Variants in NYAP2 observed in about 807,000 individuals in gnomAD.
NYAP2 encodes neuronal tyrosine-phosphorylated phosphoinositide-3-kinase adapter 2.
NYAP2 carries 23 observed loss-of-function variants against 50.4 expected under a neutral mutation model. The ratio of observed to expected loss-of-function variants is 0.46; its 90% CI spans 0.33 to 0.65. NYAP2 has a LOEUF of 0.65. Among genes scored for constraint, NYAP2 ranks in the 30% least tolerant of loss-of-function variants. NYAP2 has a pLI of 0.02. For missense variants in NYAP2, 885 were observed against 861.0 expected (o/e 1.03, Z -0.35); for synonymous variants, 394 against 365.2 (o/e 1.08, Z -0.90).
At chr2:225,436,305 G>A (rs1275775704) in intron 3 of NYAP2, among the ~76,000 whole-genome samples, 1 of 152,160 alleles carries the variant, frequency 6.6e-6, no homozygotes, top group Non-Finnish European at 1.5e-5. Flanking sequence ...CACAATTCTC[G>A]AGGTGAGAAG....
intron 5 of NYAP2, among the ~76,000 whole-genome samples, chr2:225,610,950 C>CTATATT (rs1366218667): frequency 6.6e-6 from 1 of 152,166 alleles, no homozygotes; most frequent in Non-Finnish European, 1.5e-5. Flanking sequence ...TTAAGAACAT[C>CTATATT]TATACTCCAT....
intron 4 of NYAP2, 81 bp from the exon 5 acceptor site, chr2:225,581,860 T>G: frequency 2.9e-6 from 4 of 1,372,822 alleles, no homozygotes; most frequent in Non-Finnish European, 4.0e-6. Flanking sequence ...TAAAGTTTAT[T>G]GTAGTAAACC....
At chr2:225,596,857 T>G (rs1169915453) in intron 5 of NYAP2, among the ~76,000 whole-genome samples, 1 of 152,164 alleles carries the variant, frequency 6.6e-6, no homozygotes, top group Non-Finnish European at 1.5e-5. Context: ...ATGAATATCA[T>G]GTTGTCGACA....
intron 6 of NYAP2, among the ~76,000 whole-genome samples, chr2:225,648,146 A>G (rs1488418979): frequency 6.6e-6 from 1 of 152,092 alleles, no homozygotes; most frequent in African/African-American, 2.4e-5. Context: ...GATTACAGGC[A>G]TCCGCCACCA....
chr2:225,548,626 T>G (rs572098084), intron 4 of NYAP2, among the ~76,000 whole-genome samples: 55 of 152,090 alleles, frequency 3.6e-4, no homozygotes, highest in African/African-American at 1.3e-3. Flanking sequence ...AGCCATATTC[T>G]GTAGGAACAT....
intron 2 of NYAP2, among the ~76,000 whole-genome samples, chr2:225,407,881 A>G (rs757107552): frequency 2.0e-5 from 3 of 151,880 alleles, no homozygotes; most frequent in Non-Finnish European, 2.9e-5. Flanking sequence ...CTAGCCACAC[A>G]TATCCATTTG....
At chr2:225,535,686 C>T (rs757337606) in intron 4 of NYAP2, among the ~76,000 whole-genome samples, 6 of 152,058 alleles carry the variant, frequency 3.9e-5, no homozygotes, top group East Asian at 1.9e-4. Flanking sequence ...TGAGTATAGA[C>T]GTACAGGGGT....
chr2:225,439,115 G>T (rs1367479262), intron 3 of NYAP2, among the ~76,000 whole-genome samples: 1 of 152,192 alleles, frequency 6.6e-6, no homozygotes, highest in African/African-American at 2.4e-5. Context: ...ATCCACCAGT[G>T]CCCAGGATCT....
At chr2:225,629,697 T>C (rs1228012323) in intron 6 of NYAP2, among the ~76,000 whole-genome samples, 2 of 152,142 alleles carry the variant, frequency 1.3e-5, no homozygotes, top group African/African-American at 2.4e-5. Context: ...GAAGTAGATA[T>C]GTATGAAGAG....
intron 3 of NYAP2, among the ~76,000 whole-genome samples, chr2:225,483,348 T>G (rs910735672): frequency 6.6e-6 from 1 of 152,188 alleles, no homozygotes; most frequent in African/African-American, 2.4e-5. Flanking sequence ...GCATAGTTTT[T>G]ATGTAAATAC....
chr2:225,532,314 C>T (rs1691270448), intron 4 of NYAP2, among the ~76,000 whole-genome samples: 1 of 152,160 alleles, frequency 6.6e-6, no homozygotes, highest in African/African-American at 2.4e-5. Flanking sequence ...TAATTGACTT[C>T]AGTGAAGCAT....
intron 3 of NYAP2, among the ~76,000 whole-genome samples, chr2:225,465,131 C>G (rs1286655157): frequency 6.6e-6 from 1 of 152,066 alleles, no homozygotes; most frequent in Non-Finnish European, 1.5e-5. Context: ...CTTAGGTTCC[C>G]CATAAAACCA....
intron 6 of NYAP2, among the ~76,000 whole-genome samples, chr2:225,630,551 T>C (rs1693288254): frequency 6.6e-6 from 1 of 152,154 alleles, no homozygotes; most frequent in Admixed American, 6.5e-5. Context: ...CATGGGCTTG[T>C]AGAGAACCCT....
At chr2:225,418,383 G>A (rs1434432813) in intron 3 of NYAP2, among the ~76,000 whole-genome samples, 1 of 152,080 alleles carries the variant, frequency 6.6e-6, no homozygotes, top group Non-Finnish European at 1.5e-5. Context: ...GATGAGAGAG[G>A]TCTCAGTAAG....
chr2:225,615,787 G>A (rs1485186481), intron 5 of NYAP2, among the ~76,000 whole-genome samples: 1 of 152,186 alleles, frequency 6.6e-6, no homozygotes, highest in African/African-American at 2.4e-5. Flanking sequence ...TACAAGCCCA[G>A]GCAAGTGCTG....
intron 3 of NYAP2, among the ~76,000 whole-genome samples, chr2:225,448,354 A>T (rs879792702): frequency 6.6e-6 from 1 of 152,224 alleles, no homozygotes; most frequent in Non-Finnish European, 1.5e-5. Flanking sequence ...AGGGGAATTA[A>T]TCAGAGAAAC....
chr2:225,526,972 C>T (rs768590868), intron 4 of NYAP2, among the ~76,000 whole-genome samples: 7 of 152,112 alleles, frequency 4.6e-5, no homozygotes, highest in Admixed American at 1.3e-4. Context: ...GATGGAGTTG[C>T]GCATCTACCA....
At chr2:225,645,936 T>C (rs1257341952) in intron 6 of NYAP2, among the ~76,000 whole-genome samples, 1 of 152,182 alleles carries the variant, frequency 6.6e-6, no homozygotes, top group African/African-American at 2.4e-5. Flanking sequence ...ATTTGAATCT[T>C]TTCTAGAATT....
At chr2:225,532,939 T>C (rs1215474636) in intron 4 of NYAP2, among the ~76,000 whole-genome samples, 1 of 152,188 alleles carries the variant, frequency 6.6e-6, no homozygotes, top group African/African-American at 2.4e-5. Context: ...CACGATACTA[T>C]GCTAGGCAAT....
Sources: allele counts gnomAD v4.1 joint callset (sites outside exome capture counted in the v4.1 genomes callset), GRCh38; gene constraint gnomAD v4.1.1; transcripts MANE v1.5; gene names NCBI Gene and HGNC (gene_info 2026-07-23, HGNC 2026-07-21).